Variants in BACH2 observed in about 807,000 individuals in gnomAD.
The protein encoded by BACH2 is BACH transcriptional regulator 2, also known as transcription regulator protein BACH2.
BACH2 carries 5 observed loss-of-function variants against 61.8 expected under a neutral mutation model. The observed-to-expected ratio is 0.08, with a 90% CI of 0.04 to 0.17. BACH2 has a LOEUF of 0.17. Ranked by LOEUF, BACH2 falls within the 10% of genes least tolerant of loss-of-function variation. BACH2 has a pLI of 1.00. For synonymous variants in BACH2, 446 were observed against 440.1 expected (o/e 1.01, Z -0.17); for missense variants, 824 against 1,091.1 (o/e 0.76, Z 3.45).
intron 6 of BACH2, among the ~76,000 whole-genome samples, chr6:89,995,997 T>A (rs1280148547): frequency 6.6e-6 from 1 of 152,204 alleles, no homozygotes; most frequent in Non-Finnish European, 1.5e-5. Flanking sequence ...GGAGCCTAAA[T>A]GTTGGAGCTC....
chr6:90,271,315 T>A (rs974071622), intron 2 of BACH2, among the ~76,000 whole-genome samples: 8 of 123,904 alleles, frequency 6.5e-5, no homozygotes, highest in Non-Finnish European at 9.8e-5. Context: ...AAAGGACTAA[T>A]ATCCAGAATC....
intron 3 of BACH2, among the ~76,000 whole-genome samples, chr6:90,235,211 C>T (rs1770219841): frequency 6.6e-6 from 1 of 152,170 alleles, no homozygotes; most frequent in African/African-American, 2.4e-5. Context: ...TGGTTGCATT[C>T]ATAGAAAGGA....
At chr6:89,982,428 T>C (rs1776007437) in intron 6 of BACH2, among the ~76,000 whole-genome samples, 1 of 152,122 alleles carries the variant, frequency 6.6e-6, no homozygotes, top group South Asian at 2.1e-4. Flanking sequence ...AACAAGGTAC[T>C]AGAAAAAGGC....
At chr6:90,064,198 T>C (rs1049127726) in intron 5 of BACH2, among the ~76,000 whole-genome samples, 8 of 152,116 alleles carry the variant, frequency 5.3e-5, no homozygotes, top group Non-Finnish European at 7.3e-5. Context: ...GCCATTTGAG[T>C]AGCATTCACA....
intron 2 of BACH2, among the ~76,000 whole-genome samples, chr6:90,253,337 A>C (rs1300888457): frequency 6.6e-6 from 1 of 152,232 alleles, no homozygotes; most frequent in Non-Finnish European, 1.5e-5. Flanking sequence ...TGAGATCAGA[A>C]TGACTGTGGA....
At chr6:90,219,205 A>T (rs1372587331) in intron 3 of BACH2, among the ~76,000 whole-genome samples, 1 of 152,174 alleles carries the variant, frequency 6.6e-6, no homozygotes, top group Non-Finnish European at 1.5e-5. Context: ...TTGTAAGTGT[A>T]TGCCCAGCGC....
rs939845324 is a variant in BACH2, at chr6:89,928,927, G to T, written c.*3481C>A. Reference sequence around the variant, plus strand: ...CCAGAATCAGTATGTAATAAAGTTCGATTTTAATCAAGGCACCCCCAGGTA... The same window carrying T: ...CCAGAATCAGTATGTAATAAAGTTCTATTTTAATCAAGGCACCCCCAGGTA... On this transcript the variant is annotated 3_prime_UTR_variant, in exon 9 of 9. Transcript: ENST00000257749. 6.6e-6 allele frequency: 1 copy of T among 151,896 alleles called. No homozygotes were observed. The highest frequency in any genetic ancestry group is 1.5e-5 in the Non-Finnish European group (1 of 67,944). The allele number at this position is 151,896 out of a possible 1,614,324, so 9.4% of individuals were successfully genotyped here.
chr6:90,221,503 T>C (rs1486968116), intron 3 of BACH2, among the ~76,000 whole-genome samples: 1 of 152,224 alleles, frequency 6.6e-6, no homozygotes, highest in African/African-American at 2.4e-5. Flanking sequence ...CATTAAGTGC[T>C]TACTACACAC....
chr6:90,145,268 T>C (rs1346953202), intron 4 of BACH2, among the ~76,000 whole-genome samples: 1 of 152,158 alleles, frequency 6.6e-6, no homozygotes, highest in African/African-American at 2.4e-5. Context: ...TAAGAGCACT[T>C]AAAAAAATCC....
At chr6:90,181,035 T>A (rs1158258151) in intron 4 of BACH2, among the ~76,000 whole-genome samples, 2 of 152,190 alleles carry the variant, frequency 1.3e-5, no homozygotes, top group African/African-American at 4.8e-5. Flanking sequence ...AGATACCCAG[T>A]AGTGGGATTG....
intron 4 of BACH2, among the ~76,000 whole-genome samples, chr6:90,101,731 G>T (rs1782634934): frequency 6.6e-6 from 1 of 152,168 alleles, no homozygotes; most frequent in Non-Finnish European, 1.5e-5. Context: ...TAGGGATTGT[G>T]TTGACTATAT....
chr6:90,293,094 C>T (rs1248511157), intron 1 of BACH2, among the ~76,000 whole-genome samples: 2 of 152,188 alleles, frequency 1.3e-5, no homozygotes, highest in Non-Finnish European at 2.9e-5. Flanking sequence ...AAGAAAACAG[C>T]AGAACCTTAT....
At chr6:90,214,529 A>G (rs1191447827) in intron 3 of BACH2, among the ~76,000 whole-genome samples, 1 of 152,194 alleles carries the variant, frequency 6.6e-6, no homozygotes, top group Non-Finnish European at 1.5e-5. Context: ...GTTTCTAATT[A>G]AGGAACTAAA....
At chr6:90,265,821 A>G (rs1460945198) in intron 2 of BACH2, among the ~76,000 whole-genome samples, 1 of 152,224 alleles carries the variant, frequency 6.6e-6, no homozygotes, top group South Asian at 2.1e-4. Context: ...TGGGCACCAG[A>G]TAGAAGAGGA....
chr6:90,133,153 A>G (rs1188240509), intron 4 of BACH2, among the ~76,000 whole-genome samples: 1 of 152,156 alleles, frequency 6.6e-6, no homozygotes, highest in African/African-American at 2.4e-5. Context: ...CTACTTTTTT[A>G]TATTTTCTCT....
intron 6 of BACH2, among the ~76,000 whole-genome samples, chr6:89,966,780 T>C (rs775404466): frequency 2.0e-5 from 3 of 152,206 alleles, no homozygotes; most frequent in Non-Finnish European, 4.4e-5. Flanking sequence ...ATAAATGACA[T>C]TGACAGTGAC....
intron 4 of BACH2, among the ~76,000 whole-genome samples, chr6:90,139,836 A>G (rs1282677981): frequency 1.3e-5 from 2 of 152,192 alleles, no homozygotes; most frequent in South Asian, 2.1e-4. Context: ...GAACAGGAAG[A>G]TAAGTGGCCA....
chr6:90,289,333 G>A (rs752249767), intron 1 of BACH2, among the ~76,000 whole-genome samples: 4 of 152,130 alleles, frequency 2.6e-5, no homozygotes, highest in South Asian at 2.1e-4. Flanking sequence ...CCTATGCTGC[G>A]GCTTCTAGTG....
At chr6:90,173,052 C>A (rs531272131) in intron 4 of BACH2, among the ~76,000 whole-genome samples, 1 of 149,716 alleles carries the variant, frequency 6.7e-6, no homozygotes, top group Non-Finnish European at 1.5e-5. Context: ...CTAGGGTAAG[C>A]GTGGAAAAAA....
Sources: gnomAD v4.1 joint callset for allele counts (sites outside exome capture counted in the v4.1 genomes callset) on GRCh38, gnomAD v4.1.1 for gene constraint, MANE v1.5 for transcripts, NCBI Gene and HGNC (gene_info 2026-07-23, HGNC 2026-07-21) for gene names.